IREB2: variants seen among roughly 807,000 people sequenced by gnomAD.
The protein encoded by IREB2 is iron-responsive element-binding protein 2.
IREB2 carries 39 observed loss-of-function variants against 118.8 expected under a neutral mutation model. That is an observed-to-expected ratio of 0.33 (90% CI 0.25 to 0.43). The LOEUF is 0.43. Ranked by LOEUF, IREB2 falls within the 20% of genes least tolerant of loss-of-function variation. IREB2 has a pLI of 1.00. For synonymous variants in IREB2, 372 were observed against 392.2 expected (o/e 0.95, Z 0.61); for missense variants, 900 against 1,147.3 (o/e 0.78, Z 3.11).
At chr15:78,445,477 C>T (rs2050914490) in intron 2 of IREB2, among the ~76,000 whole-genome samples, 1 of 152,206 alleles carries the variant, frequency 6.6e-6, no homozygotes, top group Admixed American at 6.5e-5. Flanking sequence ...AGAACAAAAA[C>T]TCACTCAAGT....
Position 78,494,946 on chromosome 15 carries a change from G to A in IREB2, c.2595+682G>A, listed in dbSNP as rs536113063. 5.3e-5 allele frequency among the ~76,000 whole-genome samples: 8 copies of A among 152,306 alleles called. No individual in the cohort carries two copies. In the South Asian group the frequency reaches 1.7e-3, roughly 32 times the overall value. On this transcript the variant is annotated intron_variant, in intron 20 of 21. Coordinates refer to ENST00000258886, the MANE Select transcript of IREB2 (RefSeq NM_004136.4). The stretch of plus-strand genomic sequence containing the variant: ...GCCCCATCAGTGGGTAAAAGACTCA[G>A]AAGTAGTAGGCCAAGTTGCACCTTT...
In IREB2 at chr15:78,485,762, CAA is replaced by C; in HGVS notation, c.1632_1633del (p.Ser545PhefsTer23). The C allele has an allele frequency of 6.2e-7, 1 of 1,613,810 alleles. No individual in the cohort carries two copies. Among genetic ancestry groups the C allele is most frequent in the Non-Finnish European group, 8.5e-7 (1 of 1,179,800 alleles). On this transcript the variant is annotated frameshift_variant, in exon 13 of 22. Coordinates refer to ENST00000258886, the MANE Select transcript of IREB2 (RefSeq NM_004136.4). LOFTEE classifies it high-confidence loss of function. ...CTGCGTGTTAAACCTTATATAAGAACAAGTTTATCTCCAGGCAGTGGGATGGT... is the reference window on the plus strand; with the variant it reads ...CTGCGTGTTAAACCTTATATAAGAACGTTTATCTCCAGGCAGTGGGATGGT...
chr15:78,491,286 T>C (rs969792023), intron 18 of IREB2, among the ~76,000 whole-genome samples: 1 of 152,176 alleles, frequency 6.6e-6, no homozygotes, highest in Non-Finnish European at 1.5e-5. Context: ...ATTGGAGATA[T>C]AAATTTAAAA....
chr15:78,488,693 T>G lies in IREB2; in HGVS notation c.1998T>G (p.Pro666=). 6.2e-7 allele frequency: 1 copy of G among 1,612,030 alleles called. No individual in the cohort carries two copies. The highest frequency in any genetic ancestry group is 1.7e-4 in the Middle Eastern group (1 of 6,060). Residue 666 remains proline, a synonymous_variant, in exon 16 of 22, where the codon CCT becomes CCG. Transcript: ENST00000258886. ...ACATTTACCTGCATGATATTTGGCC[T>G]AGTCGAGAAGAAGTTCATCGAGTAG... ...GKNIYLHDIW[P]SREEVHRVEE...
intron 1 of IREB2, 81 bp downstream of exon 1, chr15:78,438,437 T>A (rs1468012161): frequency 6.7e-7 from 1 of 1,503,062 alleles, no homozygotes. Flanking sequence ...TTTTCTCGCC[T>A]GGAGTCGCTC....
chr15:78,438,306 C>T lies in IREB2; in HGVS notation c.-32C>T, dbSNP rs774492226. The T allele has an allele frequency of 1.9e-6, 3 of 1,574,432 alleles. No individual in the cohort carries two copies. Among genetic ancestry groups the T allele is most frequent in the Non-Finnish European group, 1.7e-6 (2 of 1,159,030 alleles). ...CCTCCCCCTTCTTCCCCCGCTGGCCCCCTCCCCGGAGGGATAATATGGTCT... is the reference window on the plus strand; with the variant it reads ...CCTCCCCCTTCTTCCCCCGCTGGCCTCCTCCCCGGAGGGATAATATGGTCT... On this transcript the variant is annotated 5_prime_UTR_variant, in exon 1 of 22. Coordinates refer to ENST00000258886, the MANE Select transcript of IREB2 (RefSeq NM_004136.4).
At chr15:78,446,086 C>T (rs2050924018) in intron 2 of IREB2, among the ~76,000 whole-genome samples, 1 of 152,146 alleles carries the variant, frequency 6.6e-6, no homozygotes, top group Admixed American at 6.5e-5. Context: ...ATCCAGCTCA[C>T]CTGTTGTTTT....
chr15:78,485,408 AAAG>A (rs1365239855), intron 12 of IREB2, among the ~76,000 whole-genome samples: 5 of 52,100 alleles, frequency 9.6e-5, no homozygotes, highest in African/African-American at 1.8e-4. Flanking sequence ...GCTTTAGAAA[AAAG>A]AAGAAAGAGA....
intron 3 of IREB2, 150 bp downstream of exon 3, chr15:78,463,237 G>A: frequency 1.4e-6 from 1 of 694,548 alleles, no homozygotes; most frequent in South Asian, 2.2e-5. Context: ...CTGGGAGTTT[G>A]CAGTCAGTCT....
chr15:78,446,801 A>G (rs561969215), intron 2 of IREB2, among the ~76,000 whole-genome samples: 50 of 152,054 alleles, frequency 3.3e-4, no homozygotes, highest in African/African-American at 1.1e-3. Context: ...AGGAGGCCAC[A>G]GGCCACCGAG....
Position 78,438,292 on chromosome 15 carries a change from T to C in IREB2, c.-46T>C. 2 of 1,522,824 alleles carry C rather than the reference T, an allele frequency of 1.3e-6. No individual in the cohort carries two copies. The highest frequency in any genetic ancestry group is 1.2e-5 in the South Asian group (1 of 84,234). The allele number at this position is 1,522,824 out of a possible 1,614,324, so 94.3% of individuals were successfully genotyped here. On this transcript the variant is annotated 5_prime_UTR_variant, in exon 1 of 22. Coordinates refer to ENST00000258886, the MANE Select transcript of IREB2 (RefSeq NM_004136.4). ...TCTTCCCTGCCCGGCCTCCCCCTTC[T>C]TCCCCCGCTGGCCCCCTCCCCGGAG...
At chr15:78,467,208 C>CAAA (rs377224708) in intron 5 of IREB2, among the ~76,000 whole-genome samples, 3 of 99,940 alleles carry the variant, frequency 3.0e-5, no homozygotes, top group East Asian at 2.9e-4. Context: ...GAGACTGTCG[C>CAAA]AAAAAAAAAA....
At chr15:78,478,752 T>A (rs1285581942) in intron 10 of IREB2, among the ~76,000 whole-genome samples, 1 of 152,170 alleles carries the variant, frequency 6.6e-6, no homozygotes, top group Non-Finnish European at 1.5e-5. Flanking sequence ...CCTGACCACC[T>A]GGGTTTGAAT....
At chr15:78,470,503 C>T (rs1047035098) in intron 5 of IREB2, 29 bp from the exon 6 acceptor site, 11 of 1,484,792 alleles carry the variant, frequency 7.4e-6, no homozygotes, top group Non-Finnish European at 1.0e-5. Flanking sequence ...GTAATACATA[C>T]GTTTAATGCC....
intron 18 of IREB2, 48 bp downstream of exon 18, chr15:78,490,809 CTGAT>C (rs759280809): frequency 6.4e-7 from 1 of 1,563,700 alleles, no homozygotes; most frequent in South Asian, 1.1e-5. Context: ...TTGTTTCTTA[CTGAT>C]TAAGAGGCTT....
chr15:78,457,315 G>C (rs527981950), intron 2 of IREB2, among the ~76,000 whole-genome samples: 2 of 151,952 alleles, frequency 1.3e-5, no homozygotes, highest in African/African-American at 4.8e-5. Context: ...TTGCACAGCC[G>C]TTGTTGTAGA....
intron 9 of IREB2, among the ~76,000 whole-genome samples, chr15:78,478,081 TAAAAAAA>T (rs531329014): frequency 3.2e-5 from 4 of 126,550 alleles, no homozygotes; most frequent in Non-Finnish European, 5.2e-5. Flanking sequence ...AAAACATTTG[TAAAAAAA>T]AAAAAAAAAA....
intron 9 of IREB2, chr15:78,476,581 A>G (rs2051475215): frequency 2.9e-6 from 1 of 341,144 alleles, no homozygotes; most frequent in Non-Finnish European, 5.4e-6. Flanking sequence ...AATTATTCAA[A>G]CCATTGATCC....
intron 2 of IREB2, among the ~76,000 whole-genome samples, chr15:78,444,006 C>T (rs1440124420): frequency 6.6e-6 from 1 of 151,946 alleles, no homozygotes; most frequent in African/African-American, 2.4e-5. Flanking sequence ...AATGTGCTGA[C>T]TAGAAACATG....
Sources: gnomAD v4.1 joint callset for allele counts (sites outside exome capture counted in the v4.1 genomes callset) on GRCh38, gnomAD v4.1.1 for gene constraint, MANE v1.5 for transcripts, NCBI Gene and HGNC (gene_info 2026-07-23, HGNC 2026-07-21) for gene names.